Variants in PTGFR observed in about 807,000 individuals in gnomAD.
The protein encoded by PTGFR is prostaglandin F2-alpha receptor.
A neutral mutation model predicts 26.2 loss-of-function variants in PTGFR; 15 were observed. That is an observed-to-expected ratio of 0.57 (90% CI 0.38 to 0.88). PTGFR has a LOEUF of 0.88. Among genes scored for constraint, PTGFR ranks in the 40% least tolerant of loss-of-function variants. The probability of loss-of-function intolerance (pLI) is 0.00; values close to 1 mark genes in which losing one functional copy is unlikely to be tolerated. For missense variants in PTGFR, 369 were observed against 427.2 expected (o/e 0.86, Z 1.20); for synonymous variants, 165 against 151.1 (o/e 1.09, Z -0.68).
intron 2 of PTGFR, among the ~76,000 whole-genome samples, chr1:78,532,701 G>A (rs531930933): frequency 3.3e-5 from 5 of 151,476 alleles, no homozygotes; most frequent in East Asian, 3.9e-4. Flanking sequence ...CTGAGTAGCC[G>A]GGACTACAGG....
chr1:78,503,616 A>C (rs1032983791), intron 2 of PTGFR, among the ~76,000 whole-genome samples: 9 of 152,208 alleles, frequency 5.9e-5, no homozygotes, highest in African/African-American at 1.7e-4. Flanking sequence ...TCTAAGACTC[A>C]TGCTTTCTAT....
intron 2 of PTGFR, among the ~76,000 whole-genome samples, chr1:78,526,939 C>T (rs1650388144): frequency 6.6e-6 from 1 of 152,034 alleles, no homozygotes; most frequent in Admixed American, 6.6e-5. Flanking sequence ...TCTTGCAGGG[C>T]CTTGTAGCTT....
intron 2 of PTGFR, among the ~76,000 whole-genome samples, chr1:78,511,828 C>T (rs2100371740): frequency 6.6e-6 from 1 of 152,264 alleles, no homozygotes; most frequent in South Asian, 2.1e-4. Flanking sequence ...CAAGTCATTC[C>T]TTTGTCCCTG....
At chr1:78,497,965 T>C in intron 2 of PTGFR, 1 of 1,523,846 alleles carries the variant, frequency 6.6e-7, no homozygotes, top group Non-Finnish European at 9.1e-7. Context: ...CCAAGAAATG[T>C]GTTCTCTTGC....
intron 2 of PTGFR, among the ~76,000 whole-genome samples, chr1:78,499,258 TA>T (rs1264167187): frequency 6.6e-6 from 1 of 152,226 alleles, no homozygotes; most frequent in Admixed American, 6.5e-5. Context: ...GGGCTATCTT[TA>T]AAAAGTTCCT....
chr1:78,520,391 C>T (rs1008162700), intron 2 of PTGFR, among the ~76,000 whole-genome samples: 2 of 151,770 alleles, frequency 1.3e-5, no homozygotes, highest in South Asian at 2.1e-4. Context: ...CCACAGAGAA[C>T]GGGTTTGGCT....
intron 2 of PTGFR, among the ~76,000 whole-genome samples, chr1:78,528,485 C>T (rs541344065): frequency 6.6e-6 from 1 of 152,054 alleles, no homozygotes; most frequent in Non-Finnish European, 1.5e-5. Flanking sequence ...TAACTAGACT[C>T]ATATTATGCT....
chr1:78,503,240 T>C (rs1649752535), intron 2 of PTGFR, among the ~76,000 whole-genome samples: 1 of 152,062 alleles, frequency 6.6e-6, no homozygotes, highest in Admixed American at 6.5e-5. Flanking sequence ...AATTGTCAGA[T>C]AATAAAAATT....
intron 2 of PTGFR, among the ~76,000 whole-genome samples, chr1:78,494,947 C>T (rs1649510478): frequency 6.6e-6 from 1 of 152,226 alleles, no homozygotes; most frequent in African/African-American, 2.4e-5. Context: ...TTTTGATACA[C>T]ATAAAAGTTT....
chr1:78,528,160 C>T (rs1404003313), intron 2 of PTGFR, among the ~76,000 whole-genome samples: 1 of 151,766 alleles, frequency 6.6e-6, no homozygotes, highest in Non-Finnish European at 1.5e-5. Context: ...AGATTTGACC[C>T]ATAGGCTGTT....
At chr1:78,522,758 C>T (rs1301801558) in intron 2 of PTGFR, among the ~76,000 whole-genome samples, 42 of 152,030 alleles carry the variant, frequency 2.8e-4, no homozygotes, top group Admixed American at 2.5e-3. Context: ...CCCTTGGACG[C>T]CCCTGCAAAA....
intron 2 of PTGFR, among the ~76,000 whole-genome samples, chr1:78,530,015 G>A (rs1280925677): frequency 6.6e-6 from 1 of 152,104 alleles, no homozygotes; most frequent in African/African-American, 2.4e-5. Context: ...CCATGAAACT[G>A]GTCTCTGGTG....
At position 78,493,050 on chromosome 1, in the gene PTGFR, C is replaced by G; in HGVS notation, c.307C>G (p.Gln103Glu). Residue 103 changes from glutamine (Q) to glutamate (E), a missense_variant, in exon 2 of 3, where the codon CAA becomes GAA. Coordinates refer to ENST00000370757, the MANE Select transcript of PTGFR (RefSeq NM_000959.4). ...ASDKEWIRFD[Q>E]SNVLCSIFGI... ...TGATAAAGAATGGATCCGCTTTGAC[C>G]AATCAAATGTCCTTTGCAGTATTTT... The G allele has an allele frequency of 6.2e-7, 1 of 1,614,222 alleles. No individual in the cohort carries two copies. Among genetic ancestry groups the G allele is most frequent in the Non-Finnish European group, 8.5e-7 (1 of 1,180,044 alleles).
chr1:78,514,252 C>T (rs931651243), intron 2 of PTGFR, among the ~76,000 whole-genome samples: 2 of 152,202 alleles, frequency 1.3e-5, no homozygotes, highest in South Asian at 2.1e-4. Context: ...TGAGCAGCCA[C>T]GGTGGCTGCA....
chr1:78,508,603 CT>C (rs1557651586), intron 2 of PTGFR, among the ~76,000 whole-genome samples: 1 of 152,110 alleles, frequency 6.6e-6, no homozygotes, highest in African/African-American at 2.4e-5. Flanking sequence ...TCTCCCCTGA[CT>C]TCTATCTCTG....
At chr1:78,527,205 G>A (rs950379944) in intron 2 of PTGFR, among the ~76,000 whole-genome samples, 1 of 152,062 alleles carries the variant, frequency 6.6e-6, no homozygotes, top group Non-Finnish European at 1.5e-5. Context: ...GCTGTATACT[G>A]CATTGTAACA....
At chr1:78,525,292 G>A (rs1650345007) in intron 2 of PTGFR, among the ~76,000 whole-genome samples, 1 of 151,928 alleles carries the variant, frequency 6.6e-6, no homozygotes, top group Non-Finnish European at 1.5e-5. Flanking sequence ...CCAGCCACCT[G>A]AACTTCTGAC....
At chr1:78,523,239 G>T (rs1650287274) in intron 2 of PTGFR, among the ~76,000 whole-genome samples, 1 of 152,034 alleles carries the variant, frequency 6.6e-6, no homozygotes, top group East Asian at 1.9e-4. Context: ...CATAGACATG[G>T]AATTGATTCA....
At chr1:78,511,065 C>T (rs1649956657) in intron 2 of PTGFR, among the ~76,000 whole-genome samples, 1 of 152,220 alleles carries the variant, frequency 6.6e-6, no homozygotes, top group Non-Finnish European at 1.5e-5. Flanking sequence ...ACCATGGCTG[C>T]TCCCATGGGT....
Sources: allele counts gnomAD v4.1 joint callset (sites outside exome capture counted in the v4.1 genomes callset), GRCh38; gene constraint gnomAD v4.1.1; transcripts MANE v1.5; gene names NCBI Gene and HGNC (gene_info 2026-07-23, HGNC 2026-07-21).